Variants in FMOD observed in about 807,000 individuals in gnomAD.
The protein encoded by FMOD is fibromodulin.
Under a neutral mutation model 27.0 loss-of-function variants are expected in FMOD, and 15 were observed. The ratio of observed to expected loss-of-function variants is 0.55; its 90% CI spans 0.37 to 0.85. The LOEUF (loss-of-function observed/expected upper bound fraction) is 0.85, where lower values mean the gene tolerates loss of function less well. Ranked by LOEUF, FMOD falls within the 40% of genes least tolerant of loss-of-function variation. FMOD has a pLI of 0.00. For synonymous variants in FMOD, 210 were observed against 214.0 expected (o/e 0.98, Z 0.16); for missense variants, 460 against 483.2 (o/e 0.95, Z 0.45).
At position 203,342,225 on chromosome 1, in the gene FMOD, A is replaced by G; in HGVS notation, c.*118T>C. The G allele has an allele frequency of 7.8e-7, 1 of 1,289,184 alleles. No individual in the cohort carries two copies. 79.9% of individuals were successfully genotyped at this position (1,289,184 alleles called of 1,614,324 possible). A position where few individuals can be genotyped will look rare whatever the true frequency, so the allele number is the denominator to read the frequency against. On this transcript the variant is annotated 3_prime_UTR_variant, in exon 3 of 3. Transcript: ENST00000354955. ...CCACCTACAGGAAAGAAGACTACAG[A>G]GGGTGCCCGTGGACTTCTGTCACAT...
At chr1:203,344,750 G>A (rs1425129053) in intron 2 of FMOD, among the ~76,000 whole-genome samples, 1 of 152,194 alleles carries the variant, frequency 6.6e-6, no homozygotes, top group African/African-American at 2.4e-5. Flanking sequence ...GGTTTGCAGG[G>A]AGATGTCCCT....
Position 203,347,731 on chromosome 1 carries a change from C to G in FMOD, c.540G>C (p.Glu180Asp). ...AGATCTGGTTGTGGTCGAGATGGAG[C>G]TCTCTCAGGGATCGAGGCAGGGGAC... Reference protein sequence around the residue: ...MPGPLPRSLRELHLDHNQISR... With the variant: ...MPGPLPRSLRDLHLDHNQISR... Residue 180 changes from glutamate to aspartate, a missense_variant, in exon 2 of 3, where the codon GAG becomes GAC. Transcript: ENST00000354955. The G allele has an allele frequency of 6.2e-7, 1 of 1,613,964 alleles. No individual in the cohort carries two copies. The highest frequency in any genetic ancestry group is 8.5e-7 in the Non-Finnish European group (1 of 1,180,016).
At chr1:203,347,259 G>T in intron 2 of FMOD, 33 bp downstream of exon 2, 1 of 1,566,160 alleles carries the variant, frequency 6.4e-7, no homozygotes, top group Non-Finnish European at 8.6e-7. Flanking sequence ...GAAATAGACA[G>T]CCAGTCCCCG....
Position 203,347,840 on chromosome 1 carries a change from T to C in FMOD, c.431A>G (p.Asp144Gly), listed in dbSNP as rs1387650359. Residue 144 changes from aspartate (D) to glycine (G), a missense_variant, in exon 2 of 3, where the codon GAT (aspartate) becomes GGT (glycine). Physicochemically the swap from Asp to Gly is moderately conservative, Grantham distance 94 (BLOSUM62 -1). Coordinates refer to ENST00000354955, the MANE Select transcript of FMOD (RefSeq NM_002023.5). ...GGAGAAGACCTTCCTGCCCACCTTA[T>C]CACTGGTGATCTGGTTGCCGTGGAG... ...IALHGNQITS[D>G]KVGRKVFSKL... 6.2e-7 allele frequency: 1 copy of C among 1,614,008 alleles called. No homozygotes were observed. The highest frequency in any genetic ancestry group is 8.5e-7 in the Non-Finnish European group (1 of 1,180,046).
chr1:203,344,304 C>T (rs1658848453), intron 2 of FMOD, among the ~76,000 whole-genome samples: 1 of 152,108 alleles, frequency 6.6e-6, no homozygotes, highest in Non-Finnish European at 1.5e-5. Flanking sequence ...ATTCCAGATC[C>T]CAGCTGTGGA....
rs534596779 is a variant in FMOD, at chr1:203,347,693, T to C, written c.578A>G (p.Asn193Ser). The C allele has an allele frequency of 3.2e-5, 51 of 1,614,090 alleles. No individual in the cohort carries two copies. The South Asian group carries it at 3.2e-4, about 10-fold the overall frequency. ...GTTCTCCAGCCCCTCCAGAGCATTG[T>C]TGGGGACCCGTGAGATCTGGTTGTG... Reference protein sequence around the residue: ...LDHNQISRVPNNALEGLENLT... With the variant: ...LDHNQISRVPSNALEGLENLT... The change falls in exon 2 of 3, where the codon AAC becomes AGC. Residue 193 changes from asparagine (N) to serine (S), a missense_variant. By Grantham distance (46) the Asn-to-Ser change is conservative (BLOSUM62 1). Transcript: ENST00000354955.
rs1430016322 is a variant in FMOD at position 203,347,964 on chromosome 1, C to T, written c.307G>A (p.Val103Ile). The stretch of plus-strand genomic sequence containing the variant: ...TACACATACTTCATGCGGGAGGGAA[C>T]GAAGGGCAGGTACTTGAGGTTGCGA... Reference protein sequence around the residue: ...DNRNLKYLPFVPSRMKYVYFQ... With the variant: ...DNRNLKYLPFIPSRMKYVYFQ... The change falls in exon 2 of 3, where the codon GTT becomes ATT. Residue 103 changes from valine to isoleucine, a missense_variant. Physicochemically the swap from Val to Ile is conservative, Grantham distance 29 (BLOSUM62 3). Transcript: ENST00000354955. 23 of 1,605,228 alleles carry T rather than the reference C, an allele frequency of 1.4e-5. No homozygotes were observed. Among genetic ancestry groups the T allele is most frequent in the Admixed American group, 5.0e-5 (3 of 59,642 alleles).
chr1:203,346,350 A>C (rs1658888512), intron 2 of FMOD, among the ~76,000 whole-genome samples: 1 of 152,066 alleles, frequency 6.6e-6, no homozygotes, highest in African/African-American at 2.4e-5. Context: ...GTGCTGGCTC[A>C]GTACCTTCCA....
At chr1:203,346,646 A>G (rs1306446173) in intron 2 of FMOD, among the ~76,000 whole-genome samples, 2 of 152,148 alleles carry the variant, frequency 1.3e-5, no homozygotes, top group East Asian at 1.9e-4. Context: ...AGAACTGACC[A>G]GAACAAGTGC....
Position 203,347,803 on chromosome 1 carries a change from G to T in FMOD, c.468C>A (p.His156Gln), listed in dbSNP as rs1658917399. Residue 156 changes from histidine to glutamine, a missense_variant, in exon 2 of 3, where the codon CAC (histidine) becomes CAA (glutamine). Transcript: ENST00000354955. ...TGTGGTCCAGGTACAGCCTCTCCAG[G>T]TGCCTCAGCTTGGAGAAGACCTTCC... is the stretch of plus-strand genomic sequence containing the variant. The part of the protein sequence containing the change: ...VGRKVFSKLR[H>Q]LERLYLDHNN... 6.2e-7 allele frequency: 1 copy of T among 1,613,778 alleles called. No individual in the cohort carries two copies. The highest frequency in any genetic ancestry group is 1.1e-5 in the South Asian group (1 of 91,086).
chr1:203,345,481 C>T (rs996217042), intron 2 of FMOD, among the ~76,000 whole-genome samples: 4 of 152,222 alleles, frequency 2.6e-5, no homozygotes, highest in African/African-American at 4.8e-5. Context: ...GCACAGCATA[C>T]GTGTGACATT....
In FMOD at chr1:203,342,397, G is replaced by A. The variant is rs768134221; in HGVS notation, c.1077C>T (p.Ala359=). Residue 359 remains alanine (A), a synonymous_variant, in exon 3 of 3, where the codon GCC becomes GCT. Coordinates refer to ENST00000354955, the MANE Select transcript of FMOD (RefSeq NM_002023.5). ...RLDGNEIKRS[A]MPADAPLCLR... ...GGCAGAGGGGCGCGTCGGCAGGCAT[G>A]GCGCTGCGCTTGATCTCGTTCCCGT... 2.5e-6 allele frequency: 4 copies of A among 1,613,868 alleles called. No homozygotes were observed. The East Asian group carries it at 8.9e-5, about 36-fold the overall frequency.
intron 1 of FMOD, among the ~76,000 whole-genome samples, chr1:203,349,673 A>G (rs1229150716): frequency 1.3e-5 from 2 of 152,184 alleles, no homozygotes; most frequent in African/African-American, 4.8e-5. Context: ...TGGCAACTGT[A>G]AACAGAAGAA....
At chr1:203,345,415 C>A (rs1476074483) in intron 2 of FMOD, among the ~76,000 whole-genome samples, 1 of 152,202 alleles carries the variant, frequency 6.6e-6, no homozygotes, top group Non-Finnish European at 1.5e-5. Flanking sequence ...CTAATAGATT[C>A]TTTCCCATGA....
intron 1 of FMOD, among the ~76,000 whole-genome samples, chr1:203,349,017 C>T (rs1658946786): frequency 6.6e-6 from 1 of 152,224 alleles, no homozygotes; most frequent in Non-Finnish European, 1.5e-5. Flanking sequence ...GGTCTTCATG[C>T]AGCAGTTACA....
At chr1:203,349,075 T>G (rs1448986815) in intron 1 of FMOD, among the ~76,000 whole-genome samples, 1 of 152,236 alleles carries the variant, frequency 6.6e-6, no homozygotes, top group Non-Finnish European at 1.5e-5. Context: ...GCACTTGCCT[T>G]CTAAAGCAGG....
At chr1:203,344,401 C>G (rs1044212788) in intron 2 of FMOD, among the ~76,000 whole-genome samples, 2 of 152,190 alleles carry the variant, frequency 1.3e-5, no homozygotes, top group Non-Finnish European at 2.9e-5. Context: ...GAGCACCCCC[C>G]CGTCTTCCCC....
At chr1:203,350,071 G>T (rs1390763413) in intron 1 of FMOD, among the ~76,000 whole-genome samples, 1 of 152,230 alleles carries the variant, frequency 6.6e-6, no homozygotes, top group African/African-American at 2.4e-5. Context: ...TGTCTGGAGG[G>T]CTGGCACAGT....
chr1:203,342,376 G>A lies in FMOD; in HGVS notation c.1098C>T (p.Leu366=). The change falls in exon 3 of 3, where the codon CTC becomes CTT. Residue 366 remains leucine, a synonymous_variant. Coordinates refer to ENST00000354955, the MANE Select transcript of FMOD (RefSeq NM_002023.5). Reference sequence around the variant, plus strand: ...CGATGAGGCTGGCAAGGCGCAGGCAGAGGGGCGCGTCGGCAGGCATGGCGC... The same window carrying A: ...CGATGAGGCTGGCAAGGCGCAGGCAAAGGGGCGCGTCGGCAGGCATGGCGC... The part of the protein sequence containing the change: ...KRSAMPADAP[L]CLRLASLIEI The A allele has an allele frequency of 6.2e-7, 1 of 1,613,368 alleles. No homozygotes were observed. Among genetic ancestry groups the A allele is most frequent in the African/African-American group, 1.3e-5 (1 of 75,054 alleles).
Sources: allele counts gnomAD v4.1 joint callset (sites outside exome capture counted in the v4.1 genomes callset), GRCh38; gene constraint gnomAD v4.1.1; transcripts MANE v1.5; gene names NCBI Gene and HGNC (gene_info 2026-07-23, HGNC 2026-07-21).